Variants in CUBN observed in about 807,000 individuals in gnomAD.
The protein encoded by CUBN is cubilin, also known as 460 kDa receptor.
In CUBN, 282 loss-of-function variants were observed where a neutral mutation model predicts 405.3. The ratio of observed to expected loss-of-function variants is 0.70; its 90% CI spans 0.63 to 0.77. The LOEUF (loss-of-function observed/expected upper bound fraction) is 0.77. Ranked by LOEUF, CUBN falls within the 30% of genes least tolerant of loss-of-function variation. The pLI is 0.00. For missense variants in CUBN, 4,514 were observed against 4,475.2 expected (o/e 1.01, Z -0.25); for synonymous variants, 1,684 against 1,617.0 (o/e 1.04, Z -0.99).
At chr10:17,040,185 C>T (rs1834986877) in intron 27 of CUBN, among the ~76,000 whole-genome samples, 1 of 151,998 alleles carries the variant, frequency 6.6e-6, no homozygotes, top group Admixed American at 6.6e-5. Context: ...CACTAGGCTG[C>T]AGGTAGGAGG....
At chr10:16,921,257 G>C (rs1842024413) in intron 43 of CUBN, among the ~76,000 whole-genome samples, 1 of 152,182 alleles carries the variant, frequency 6.6e-6, no homozygotes, top group Non-Finnish European at 1.5e-5. Context: ...GAAGAAATCA[G>C]ATGAGAATCT....
At chr10:17,090,074 C>A (rs1213794673) in intron 14 of CUBN, among the ~76,000 whole-genome samples, 2 of 152,092 alleles carry the variant, frequency 1.3e-5, no homozygotes, top group Non-Finnish European at 2.9e-5. Flanking sequence ...CACGATCGCA[C>A]CCTGTCTCAA....
chr10:16,902,381 TAAATG>T (rs1046699941), intron 51 of CUBN, among the ~76,000 whole-genome samples: 34 of 147,486 alleles, frequency 2.3e-4, no homozygotes, highest in Middle Eastern at 3.6e-3. Context: ...ATGTATAAAA[TAAATG>T]AAATTAAATA....
chr10:17,102,579 G>A (rs370508865), intron 13 of CUBN, among the ~76,000 whole-genome samples: 2 of 147,670 alleles, frequency 1.4e-5, no homozygotes, highest in Non-Finnish European at 3.0e-5. Flanking sequence ...GAGCCACCAG[G>A]CCTGGCCTTG....
intron 48 of CUBN, among the ~76,000 whole-genome samples, chr10:16,910,946 G>A (rs1415806994): frequency 2.6e-5 from 4 of 152,138 alleles, no homozygotes; most frequent in Non-Finnish European, 4.4e-5. Context: ...AGAAAGGGAC[G>A]TGCATAGCAT....
chr10:17,057,096 T>C (rs982900423), intron 22 of CUBN, among the ~76,000 whole-genome samples: 2 of 152,114 alleles, frequency 1.3e-5, no homozygotes, highest in Non-Finnish European at 2.9e-5. Context: ...AGCCCCCATA[T>C]TGGGACTCCA....
intron 22 of CUBN, among the ~76,000 whole-genome samples, chr10:17,060,747 T>C (rs1433553797): frequency 1.3e-5 from 2 of 152,206 alleles, no homozygotes; most frequent in East Asian, 1.9e-4. Context: ...GCTTGTGAGT[T>C]GTCCAAAGTA....
At position 16,919,984 on chromosome 10, in the gene CUBN, A is replaced by C; in HGVS notation, c.6800T>G (p.Phe2267Cys). 1 of 1,613,516 alleles carries C rather than the reference A, an allele frequency of 6.2e-7. No homozygotes were observed. Among genetic ancestry groups the C allele is most frequent in the South Asian group, 1.1e-5 (1 of 91,066 alleles). Residue 2267 changes from phenylalanine (F) to cysteine (C), a missense_variant, in exon 44 of 67, where the codon TTC (phenylalanine) becomes TGC (cysteine). By Grantham distance (205) the Phe-to-Cys change is radical. Coordinates refer to ENST00000377833, the MANE Select transcript of CUBN (RefSeq NM_001081.4). Reference sequence around the variant, plus strand: ...ATACTTGGGTGTTACTTCAATATCGAATCGATCTTCAAATTGCAGCTGTAT... The same window carrying C: ...ATACTTGGGTGTTACTTCAATATCGCATCGATCTTCAAATTGCAGCTGTAT... ...TRIQLQFEDR[F>C]DIEVTPNCTS...
intron 59 of CUBN, among the ~76,000 whole-genome samples, chr10:16,859,112 G>T (rs1274944116): frequency 6.6e-6 from 1 of 152,152 alleles, no homozygotes; most frequent in African/African-American, 2.4e-5. Context: ...AAAAGAAAAA[G>T]TCGATAAATT....
At chr10:16,841,228 A>G (rs549471087) in intron 60 of CUBN, among the ~76,000 whole-genome samples, 181 bp from the exon 61 acceptor site, 2 of 152,190 alleles carry the variant, frequency 1.3e-5, no homozygotes, top group Non-Finnish European at 2.9e-5. Context: ...CTTTCAGGAA[A>G]AACCTGTTAT....
At chr10:16,884,298 T>A (rs930530627) in intron 56 of CUBN, among the ~76,000 whole-genome samples, 1 of 152,086 alleles carries the variant, frequency 6.6e-6, no homozygotes, top group African/African-American at 2.4e-5. Flanking sequence ...CTAATTTTAA[T>A]GAAAGAATAA....
intron 27 of CUBN, among the ~76,000 whole-genome samples, chr10:17,038,548 CTT>C (rs1279619307): frequency 6.6e-6 from 1 of 152,148 alleles, no homozygotes; most frequent in Non-Finnish European, 1.5e-5. Flanking sequence ...GTAATTAAGT[CTT>C]TTTGTAGTTT....
intron 4 of CUBN, among the ~76,000 whole-genome samples, chr10:17,124,393 CT>C (rs555443457): frequency 6.6e-5 from 10 of 151,718 alleles, no homozygotes; most frequent in Admixed American, 4.6e-4. Context: ...GAGAAAACTT[CT>C]TTTTTTTCTT....
chr10:17,071,699 G>A (rs1302784535), intron 18 of CUBN, 95 bp from the exon 19 acceptor site: 18 of 1,470,716 alleles, frequency 1.2e-5, no homozygotes, highest in South Asian at 5.8e-5. Context: ...GGAGATAACC[G>A]AATATAACAT....
At chr10:17,124,586 G>C (rs567377297) in intron 4 of CUBN, among the ~76,000 whole-genome samples, 58 of 151,590 alleles carry the variant, frequency 3.8e-4, no homozygotes, top group Non-Finnish European at 7.2e-4. Flanking sequence ...CCGCCACCAC[G>C]CCCAGCTAAT....
intron 24 of CUBN, among the ~76,000 whole-genome samples, chr10:17,045,391 A>G (rs1212905805): frequency 7.1e-6 from 1 of 140,742 alleles, no homozygotes; most frequent in African/African-American, 2.7e-5. Context: ...ATGGAGTCTC[A>G]CTGGGTCACT....
In CUBN at chr10:17,123,650, T is replaced by G. The variant is rs151018922; in HGVS notation, c.427A>C (p.Asn143His). 2.0e-5 allele frequency: 32 copies of G among 1,613,968 alleles called. No homozygotes were observed. In the African/African-American group the frequency reaches 3.6e-4, roughly 18 times the overall value. Residue 143 changes from asparagine to histidine, a missense_variant, in exon 5 of 67, where the codon AAT becomes CAT. By Grantham distance (68) the Asn-to-His change is moderately conservative. Coordinates refer to ENST00000377833, the MANE Select transcript of CUBN (RefSeq NM_001081.4). ...KKVCSSNPCQNGGTCLNLHDS... is the reference protein window; with the variant it reads ...KKVCSSNPCQHGGTCLNLHDS... Reference sequence around the variant, plus strand: ...TGCAGATTGAGGCAGGTTCCACCATTCTGGCAAGGATTGCTGCTGCAAACC... The same window carrying G: ...TGCAGATTGAGGCAGGTTCCACCATGCTGGCAAGGATTGCTGCTGCAAACC...
intron 59 of CUBN, among the ~76,000 whole-genome samples, chr10:16,854,160 A>G (rs1839801460): frequency 6.6e-6 from 1 of 152,206 alleles, no homozygotes; most frequent in South Asian, 2.1e-4. Context: ...GAATAAAACC[A>G]TGTAGAAATG....
chr10:17,012,578 G>A (rs1044017482), intron 28 of CUBN, among the ~76,000 whole-genome samples: 2 of 152,156 alleles, frequency 1.3e-5, no homozygotes, highest in East Asian at 1.9e-4. Flanking sequence ...GTGGTAGTAG[G>A]ATAATGCATG....
Sources: allele counts gnomAD v4.1 joint callset (sites outside exome capture counted in the v4.1 genomes callset), GRCh38; gene constraint gnomAD v4.1.1; transcripts MANE v1.5; gene names NCBI Gene and HGNC (gene_info 2026-07-23, HGNC 2026-07-21).